Variants in HABP2 observed in about 807,000 individuals in gnomAD.
The protein encoded by HABP2 is factor VII-activating protease.
A neutral mutation model predicts 66.5 loss-of-function variants in HABP2; 65 were observed. The observed-to-expected ratio is 0.98, with a 90% CI of 0.80 to 1.20. HABP2 has a LOEUF of 1.20. Among genes scored for constraint, HABP2 ranks in the 50% most tolerant of loss-of-function variants. The pLI is 0.00. For synonymous variants in HABP2, 263 were observed against 253.9 expected (o/e 1.04, Z -0.34); for missense variants, 786 against 691.0 (o/e 1.14, Z -1.54).
chr10:113,561,849 T>A (rs905578516), intron 1 of HABP2, among the ~76,000 whole-genome samples: 1 of 152,206 alleles, frequency 6.6e-6, no homozygotes, highest in Non-Finnish European at 1.5e-5. Context: ...AAATAATCAC[T>A]GGATTAAATA....
intron 2 of HABP2, among the ~76,000 whole-genome samples, chr10:113,568,889 A>G (rs1845251302): frequency 6.6e-6 from 1 of 152,230 alleles, no homozygotes; most frequent in South Asian, 2.1e-4. Flanking sequence ...GAAAGTTGTA[A>G]GAGACATCTA....
chr10:113,577,878 G>A (rs1845440817), intron 5 of HABP2, 148 bp from the exon 6 acceptor site: 1 of 841,262 alleles, frequency 1.2e-6, no homozygotes, highest in Non-Finnish European at 1.9e-6. Flanking sequence ...TTACTAGAGT[G>A]TCAGTGGATC....
At position 113,588,830 on chromosome 10, in the gene HABP2, TG is replaced by T; in HGVS notation, c.*462del. ...GACCACAAATACAACATTCTCCATCTGCTTTCAGAGTTATTATTTTAATAAA... is the reference window on the plus strand; with the variant it reads ...GACCACAAATACAACATTCTCCATCTCTTTCAGAGTTATTATTTTAATAAA... On this transcript the variant is annotated 3_prime_UTR_variant, in exon 13 of 13. Transcript: ENST00000351270. 1.5e-6 allele frequency: 1 copy of T among 676,706 alleles called. No homozygotes were observed. The highest frequency in any genetic ancestry group is 2.6e-6 in the Non-Finnish European group (1 of 379,308). 41.9% of individuals were successfully genotyped at this position (676,706 alleles called of 1,614,324 possible).
At chr10:113,571,272 T>C (rs1845304070) in intron 2 of HABP2, among the ~76,000 whole-genome samples, 1 of 152,166 alleles carries the variant, frequency 6.6e-6, no homozygotes, top group Non-Finnish European at 1.5e-5. Flanking sequence ...TGGCCTCTTA[T>C]CTTGCTGAAT....
chr10:113,585,859 G>T lies in HABP2; in HGVS notation c.1439G>T (p.Arg480Leu), dbSNP rs566817218. ...ATTGCCAACACTTTGTGCAACTCCCGCCAACTCTATGACCACATGATTGAT... is the reference window on the plus strand; with the variant it reads ...ATTGCCAACACTTTGTGCAACTCCCTCCAACTCTATGACCACATGATTGAT... ...KLIANTLCNSRQLYDHMIDDS... is the reference protein window; with the variant it reads ...KLIANTLCNSLQLYDHMIDDS... The change falls in exon 12 of 13, where the codon CGC (arginine) becomes CTC (leucine). Residue 480 changes from arginine (R) to leucine (L), a missense_variant. Coordinates refer to ENST00000351270, the MANE Select transcript of HABP2 (RefSeq NM_004132.5). The T allele has an allele frequency of 1.2e-6, 2 of 1,613,208 alleles. No homozygotes were observed. Among genetic ancestry groups the T allele is most frequent in the Non-Finnish European group, 1.7e-6 (2 of 1,179,176 alleles).
chr10:113,572,659 G>C (rs1475864248), intron 2 of HABP2: 1 of 453,464 alleles, frequency 2.2e-6, no homozygotes, highest in Non-Finnish European at 4.4e-6. Context: ...TATCACGCTA[G>C]ATGGAGGAAA....
intron 1 of HABP2, among the ~76,000 whole-genome samples, chr10:113,565,123 C>T (rs181887275): frequency 5.9e-5 from 9 of 152,212 alleles, no homozygotes; most frequent in Non-Finnish European, 8.8e-5. Flanking sequence ...GGATTACAGG[C>T]GTGAGCCACC....
chr10:113,564,995 C>T (rs1480997959), intron 1 of HABP2, among the ~76,000 whole-genome samples: 2 of 150,258 alleles, frequency 1.3e-5, no homozygotes, highest in South Asian at 2.1e-4. Flanking sequence ...TACAGGCCCC[C>T]GCTGCCACAT....
At chr10:113,576,145 G>A (rs975901208) in intron 4 of HABP2, 141 bp downstream of exon 4, 11 of 608,476 alleles carry the variant, frequency 1.8e-5, no homozygotes, top group Non-Finnish European at 2.9e-5. Flanking sequence ...CCTCTGCAGG[G>A]TCCCAGGCAG....
intron 5 of HABP2, among the ~76,000 whole-genome samples, chr10:113,577,625 C>T (rs1845436034): frequency 6.6e-6 from 1 of 152,214 alleles, no homozygotes. Context: ...TCCAAAGACA[C>T]CTCAAGGAGG....
chr10:113,588,041 C>T (rs1013322396), intron 12 of HABP2, among the ~76,000 whole-genome samples, 164 bp from the exon 13 acceptor site: 3 of 152,182 alleles, frequency 2.0e-5, no homozygotes, highest in Non-Finnish European at 4.4e-5. Flanking sequence ...AGTCTTGTAT[C>T]ATGTGAGATG....
At chr10:113,570,177 A>C (rs1472416266) in intron 2 of HABP2, 1 of 152,252 alleles carries the variant, frequency 6.6e-6, no homozygotes, top group Non-Finnish European at 1.5e-5. Flanking sequence ...TTATGATGTC[A>C]TCTCATTTGG....
intron 1 of HABP2, among the ~76,000 whole-genome samples, chr10:113,558,350 T>G (rs1282279005): frequency 6.6e-6 from 1 of 152,258 alleles, no homozygotes; most frequent in Non-Finnish European, 1.5e-5. Flanking sequence ...TTGATTTAGT[T>G]CTAAAGGAAA....
At chr10:113,554,176 G>A (rs1844949545) in intron 1 of HABP2, among the ~76,000 whole-genome samples, 1 of 152,166 alleles carries the variant, frequency 6.6e-6, no homozygotes, top group Non-Finnish European at 1.5e-5. Flanking sequence ...AAATAAATGT[G>A]AGCTCTACTC....
intron 11 of HABP2, among the ~76,000 whole-genome samples, chr10:113,584,934 C>T (rs1254601413): frequency 6.6e-6 from 1 of 152,090 alleles, no homozygotes; most frequent in African/African-American, 2.4e-5. Context: ...CAACATTATA[C>T]CCACTACTAC....
In HABP2 at chr10:113,575,926, G is replaced by T. The variant is rs372177219; in HGVS notation, c.253G>T (p.Gly85Cys). 4.3e-6 allele frequency: 7 copies of T among 1,610,552 alleles called. No homozygotes were observed. The East Asian group carries it at 1.6e-4, about 36-fold the overall frequency. Reference sequence around the variant, plus strand: ...ATGCCAGCCCAACCCCTGTGAACACGGTGGGGACTGCCTCGTCCATGGGAG... The same window carrying T: ...ATGCCAGCCCAACCCCTGTGAACACTGTGGGGACTGCCTCGTCCATGGGAG... ...DPCQPNPCEH[G>C]GDCLVHGSTF... The change falls in exon 4 of 13, where the codon GGT (glycine) becomes TGT (cysteine). Residue 85 changes from glycine (G) to cysteine (C), a missense_variant. Transcript: ENST00000351270.
intron 1 of HABP2, among the ~76,000 whole-genome samples, chr10:113,564,804 T>G (rs531356501): frequency 6.6e-6 from 1 of 152,208 alleles, no homozygotes; most frequent in African/African-American, 2.4e-5. Flanking sequence ...CTGAATCATT[T>G]GCAAGTAAAT....
In HABP2 at chr10:113,567,491, C is replaced by T. The variant is rs757112247; in HGVS notation, c.72C>T (p.Phe24=). 5.6e-6 allele frequency: 9 copies of T among 1,612,036 alleles called. No homozygotes were observed. The highest frequency in any genetic ancestry group is 6.8e-6 in the Non-Finnish European group (8 of 1,178,070). ...TGCTGTGTTGTTTTGTTTTTCAGTT[C>T]TCCCTGATGTCTTTATTGGAAAGCC... The part of the protein sequence containing the change: ...MALVGKTACG[F]SLMSLLESLD... The change falls in exon 2 of 13, where the codon TTC becomes TTT. Residue 24 remains phenylalanine (F), a splice_region_variant and synonymous_variant. Transcript: ENST00000351270.
chr10:113,566,196 G>T (rs560171474), intron 1 of HABP2, among the ~76,000 whole-genome samples: 7 of 152,308 alleles, frequency 4.6e-5, no homozygotes, highest in African/African-American at 1.4e-4. Flanking sequence ...GGTAGAACTC[G>T]CATTTCTTTA....
Sources: allele counts gnomAD v4.1 joint callset (sites outside exome capture counted in the v4.1 genomes callset), GRCh38; gene constraint gnomAD v4.1.1; transcripts MANE v1.5; gene names NCBI Gene and HGNC (gene_info 2026-07-23, HGNC 2026-07-21).